Variants in CDH13 observed in about 807,000 individuals in gnomAD.
The protein encoded by CDH13 is cadherin-13.
Under a neutral mutation model 63.8 loss-of-function variants are expected in CDH13, and 24 were observed. The ratio of observed to expected loss-of-function variants is 0.38; its 90% CI spans 0.27 to 0.53. The LOEUF (loss-of-function observed/expected upper bound fraction) is 0.53, where lower values mean the gene tolerates loss of function less well. Ranked by LOEUF, CDH13 falls within the 20% of genes least tolerant of loss-of-function variation. The pLI, the probability that CDH13 is intolerant of heterozygous loss-of-function variation, is 0.85. For missense variants in CDH13, 1,049 were observed against 903.1 expected, an observed-to-expected ratio of 1.16 and a Z score of -2.07; for synonymous variants, 503 against 355.3, an observed-to-expected ratio of 1.42 and a Z score of -4.67.
At position 83,132,315 on chromosome 16, in the gene CDH13, C is replaced by T. The variant is rs1275171145; in HGVS notation, c.483+6814C>T. 8.5e-5 allele frequency among the ~76,000 whole-genome samples: 13 copies of T among 152,092 alleles called. 1 individual carries two copies. The East Asian group carries it at 2.5e-3, about 29-fold the overall frequency. The stretch of plus-strand genomic sequence containing the variant: ...ACTTACTGGGTTGTCTAGGGTAACC[C>T]AGTAATTGCTGTCATCCCTCTACCT... On this transcript the variant is annotated intron_variant, in intron 4 of 13. Coordinates refer to ENST00000567109, the MANE Select transcript of CDH13 (RefSeq NM_001257.5).
At chr16:83,129,147 G>A (rs1188928352) in intron 4 of CDH13, among the ~76,000 whole-genome samples, 1 of 152,164 alleles carries the variant, frequency 6.6e-6, no homozygotes, top group African/African-American at 2.4e-5. Flanking sequence ...AGAGGACGTA[G>A]GTGTTTTCAG....
intron 7 of CDH13, among the ~76,000 whole-genome samples, chr16:83,557,577 G>A (rs569709392): frequency 6.6e-6 from 1 of 152,266 alleles, no homozygotes; most frequent in South Asian, 2.1e-4. Context: ...GGAAACAGGG[G>A]CATCTAAAAG....
intron 6 of CDH13, among the ~76,000 whole-genome samples, chr16:83,438,567 T>C (rs1334568454): frequency 6.6e-6 from 1 of 152,238 alleles, no homozygotes; most frequent in African/African-American, 2.4e-5. Flanking sequence ...ATTCAGTCAT[T>C]CATTAGTCAT....
At chr16:82,944,455 CT>C (rs1386845587) in intron 2 of CDH13, among the ~76,000 whole-genome samples, 2 of 152,106 alleles carry the variant, frequency 1.3e-5, no homozygotes, top group African/African-American at 2.4e-5. Flanking sequence ...AAGGGAGCTG[CT>C]TTTTCTAGAC....
At chr16:82,814,456 G>T (rs113830670) in intron 1 of CDH13, among the ~76,000 whole-genome samples, 2,811 of 152,180 alleles carry the variant, frequency 0.018, 89 homozygotes, top group African/African-American at 0.062. Flanking sequence ...CGGTCAGTGA[G>T]ATACTCAATC....
chr16:83,549,266 C>T (rs556958092), intron 7 of CDH13, among the ~76,000 whole-genome samples: 24 of 152,352 alleles, frequency 1.6e-4, no homozygotes, highest in Non-Finnish European at 3.2e-4. Context: ...AAACATCCCA[C>T]TCTCCAGGTC....
At chr16:82,835,666 C>G (rs537376607) in intron 1 of CDH13, among the ~76,000 whole-genome samples, 17 of 152,314 alleles carry the variant, frequency 1.1e-4, no homozygotes, top group African/African-American at 3.8e-4. Flanking sequence ...CCTCCACAGG[C>G]TTGATCAGCG....
At chr16:83,554,230 A>G (rs959339496) in intron 7 of CDH13, among the ~76,000 whole-genome samples, 2 of 152,222 alleles carry the variant, frequency 1.3e-5, no homozygotes, top group Non-Finnish European at 1.5e-5. Flanking sequence ...TAAAAAAAAA[A>G]TAGGCAATGG....
intron 6 of CDH13, among the ~76,000 whole-genome samples, chr16:83,432,558 A>C (rs967000132): frequency 6.6e-6 from 1 of 152,204 alleles, no homozygotes; most frequent in African/African-American, 2.4e-5. Flanking sequence ...AGAGTGGGTG[A>C]AACGAGCTTC....
intron 10 of CDH13, among the ~76,000 whole-genome samples, chr16:83,743,798 A>G (rs1033355238): frequency 4.4e-5 from 4 of 91,364 alleles, no homozygotes; most frequent in African/African-American, 1.7e-4. Context: ...TGATTGTTCC[A>G]ACAGAAGGAG....
chr16:83,537,532 A>G (rs1490203086), intron 7 of CDH13, among the ~76,000 whole-genome samples: 2 of 152,100 alleles, frequency 1.3e-5, no homozygotes, highest in Non-Finnish European at 2.9e-5. Flanking sequence ...GAAAAGGAAA[A>G]GGAACCATTT....
chr16:83,556,544 A>G (rs956214711), intron 7 of CDH13, among the ~76,000 whole-genome samples: 1 of 152,216 alleles, frequency 6.6e-6, no homozygotes, highest in Admixed American at 6.5e-5. Context: ...GGAGGGGTCA[A>G]ATAACTCATC....
intron 7 of CDH13, among the ~76,000 whole-genome samples, chr16:83,556,463 C>T (rs1406840569): frequency 2.6e-5 from 4 of 152,116 alleles, no homozygotes; most frequent in Non-Finnish European, 5.9e-5. Flanking sequence ...TTCTCACATG[C>T]GGTGGTCAAT....
At chr16:82,701,251 C>CAA (rs1469727270) in intron 1 of CDH13, among the ~76,000 whole-genome samples, 1 of 152,184 alleles carries the variant, frequency 6.6e-6, no homozygotes, top group Non-Finnish European at 1.5e-5. Context: ...CAACCTTGGG[C>CAA]ATGGCCCTAG....
intron 7 of CDH13, among the ~76,000 whole-genome samples, chr16:83,518,631 C>G (rs1401979824): frequency 6.7e-6 from 1 of 150,212 alleles, no homozygotes; most frequent in Non-Finnish European, 1.5e-5. Flanking sequence ...TGCCACTACA[C>G]CCGGCTAATT....
intron 3 of CDH13, among the ~76,000 whole-genome samples, chr16:83,064,949 C>T (rs1365594305): frequency 6.6e-6 from 1 of 152,052 alleles, no homozygotes; most frequent in East Asian, 1.9e-4. Flanking sequence ...AGTCTCAAAA[C>T]CTCTTTCTCT....
At chr16:83,188,448 C>T (rs1343028791) in intron 4 of CDH13, among the ~76,000 whole-genome samples, 1 of 152,124 alleles carries the variant, frequency 6.6e-6, no homozygotes, top group African/African-American at 2.4e-5. Context: ...TCTGAACTGT[C>T]ATGCATTCTT....
chr16:83,397,903 C>G (rs757081714), intron 6 of CDH13: 1 of 152,228 alleles, frequency 6.6e-6, no homozygotes, highest in Non-Finnish European at 1.5e-5. Flanking sequence ...CTATAGAGAA[C>G]TGACCTGGAA....
chr16:83,628,378 G>C (rs1209354480), intron 8 of CDH13, among the ~76,000 whole-genome samples: 3 of 152,256 alleles, frequency 2.0e-5, no homozygotes, highest in South Asian at 2.1e-4. Context: ...AAAATGCTGG[G>C]ATTACAGATG....
Sources: allele counts gnomAD v4.1 joint callset (sites outside exome capture counted in the v4.1 genomes callset), GRCh38; gene constraint gnomAD v4.1.1; transcripts MANE v1.5; gene names NCBI Gene and HGNC (gene_info 2026-07-23, HGNC 2026-07-21).